SKIL: variants seen among roughly 807,000 people sequenced by gnomAD.
SKIL encodes the protein ski-like protein.
Under a neutral mutation model 69.6 loss-of-function variants are expected in SKIL, and 20 were observed. The ratio of observed to expected loss-of-function variants is 0.29; its 90% CI spans 0.20 to 0.42. SKIL has a LOEUF of 0.42. Ranked by LOEUF, SKIL falls within the 10% of genes least tolerant of loss-of-function variation. SKIL has a pLI of 1.00. For synonymous variants in SKIL, 310 were observed against 279.9 expected (o/e 1.11, Z -1.08); for missense variants, 745 against 783.1 (o/e 0.95, Z 0.58).
At chr3:170,368,511 A>G (rs1411317827) in intron 2 of SKIL, among the ~76,000 whole-genome samples, 1 of 152,204 alleles carries the variant, frequency 6.6e-6, no homozygotes, top group East Asian at 1.9e-4. Context: ...TACAATTTGC[A>G]CATAAACTGT....
intron 4 of SKIL, among the ~76,000 whole-genome samples, chr3:170,388,771 T>C (rs1266241579): frequency 1.3e-5 from 2 of 152,136 alleles, no homozygotes; most frequent in Non-Finnish European, 2.9e-5. Flanking sequence ...AAATGTTTAT[T>C]ACATCCAATT....
At chr3:170,373,821 T>C (rs1315653757) in intron 2 of SKIL, among the ~76,000 whole-genome samples, 1 of 152,052 alleles carries the variant, frequency 6.6e-6, no homozygotes, top group Non-Finnish European at 1.5e-5. Flanking sequence ...AGCCCAGGAG[T>C]TGGAGGATGC....
chr3:170,363,762 G>C (rs1179690971), intron 2 of SKIL, among the ~76,000 whole-genome samples: 1 of 152,152 alleles, frequency 6.6e-6, no homozygotes, highest in Non-Finnish European at 1.5e-5. Context: ...TGGGATTACA[G>C]GTGTGAGCCA....
intron 2 of SKIL, among the ~76,000 whole-genome samples, chr3:170,361,951 C>T (rs2108892062): frequency 6.6e-6 from 1 of 152,178 alleles, no homozygotes; most frequent in Non-Finnish European, 1.5e-5. Flanking sequence ...TGTTGTTTTT[C>T]TAGGACTCGA....
chr3:170,373,707 C>CA (rs1736891911), intron 2 of SKIL, among the ~76,000 whole-genome samples: 1 of 152,048 alleles, frequency 6.6e-6, no homozygotes, highest in African/African-American at 2.4e-5. Flanking sequence ...CAACATAGTG[C>CA]AACCCCTGTC....
chr3:170,358,710 CAAG>C (rs1202050620), intron 1 of SKIL: 1 of 152,208 alleles, frequency 6.6e-6, no homozygotes, highest in Admixed American at 6.5e-5. Flanking sequence ...GCTTTTCTCT[CAAG>C]AAGGAAGTGG....
chr3:170,376,895 A>C (rs1377295341), intron 2 of SKIL, among the ~76,000 whole-genome samples: 1 of 152,168 alleles, frequency 6.6e-6, no homozygotes, highest in Non-Finnish European at 1.5e-5. Flanking sequence ...AAGATTCTTA[A>C]ACATTAATTA....
chr3:170,368,392 TCAATTA>T, intron 2 of SKIL, among the ~76,000 whole-genome samples: 1 of 152,196 alleles, frequency 6.6e-6, no homozygotes, highest in Non-Finnish European at 1.5e-5. Flanking sequence ...TCAAAGGCAC[TCAATTA>T]AATTTTTCTT....
chr3:170,375,698 C>T (rs1736995895), intron 2 of SKIL, among the ~76,000 whole-genome samples: 1 of 152,134 alleles, frequency 6.6e-6, no homozygotes, highest in Non-Finnish European at 1.5e-5. Context: ...CCTCAGTCCC[C>T]TGAGTAGCTG....
chr3:170,371,326 C>A (rs1736794702), intron 2 of SKIL, among the ~76,000 whole-genome samples: 1 of 151,946 alleles, frequency 6.6e-6, no homozygotes, highest in African/African-American at 2.4e-5. Context: ...CATGGTGAAA[C>A]CCCATCTCTA....
At chr3:170,359,424 C>A (rs963659998) in intron 1 of SKIL, among the ~76,000 whole-genome samples, 1 of 151,878 alleles carries the variant, frequency 6.6e-6, no homozygotes, top group Non-Finnish European at 1.5e-5. Context: ...GGTGAAACCC[C>A]GTTTCTACTA....
Position 170,385,447 on chromosome 3 carries a change from A to G in SKIL, c.1429+682A>G, listed in dbSNP as rs532761927. Reference sequence around the variant, plus strand: ...GAGACACCATTTAATAATAAGAAGTATTATGTAAGTAAGAGTAGTTAGGTA... The same window carrying G: ...GAGACACCATTTAATAATAAGAAGTGTTATGTAAGTAAGAGTAGTTAGGTA... On this transcript the variant is annotated intron_variant, in intron 4 of 6. Coordinates refer to ENST00000259119, the MANE Select transcript of SKIL (RefSeq NM_005414.5). Among the ~76,000 whole-genome samples, 13 of 152,192 alleles carry G rather than the reference A, an allele frequency of 8.5e-5. 1 individual carries two copies. Among genetic ancestry groups the G allele is most frequent in the South Asian group, 4.1e-4 (2 of 4,828 alleles).
chr3:170,377,287 G>T (rs1737076373), intron 2 of SKIL, among the ~76,000 whole-genome samples: 1 of 151,402 alleles, frequency 6.6e-6, no homozygotes, highest in Non-Finnish European at 1.5e-5. Flanking sequence ...GCCCAGGCTG[G>T]AGTGCAGTGG....
intron 2 of SKIL, among the ~76,000 whole-genome samples, chr3:170,365,759 T>C (rs1736472533): frequency 6.9e-6 from 1 of 145,102 alleles, no homozygotes; most frequent in African/African-American, 2.6e-5. Context: ...AGGCTTTTTT[T>C]TTTTTTTTTT....
chr3:170,360,686 A>T lies in SKIL; in HGVS notation c.355A>T (p.Thr119Ser). The change falls in exon 2 of 7, where the codon ACT becomes TCT. Residue 119 changes from threonine to serine, a missense_variant. By Grantham distance (58) the Thr-to-Ser change is moderately conservative. Transcript: ENST00000259119. ...ARHSQESMSPTVFLPLPSPQV... is the reference protein window; with the variant it reads ...ARHSQESMSPSVFLPLPSPQV... ...GCATTCCCAAGAAAGCATGTCGCCT[A>T]CTGTATTTCTGCCTCTTCCATCACC... 1.2e-6 allele frequency: 2 copies of T among 1,614,186 alleles called. No individual in the cohort carries two copies. The highest frequency in any genetic ancestry group is 1.7e-6 in the Non-Finnish European group (2 of 1,180,042).
chr3:170,366,672 A>AACACAC (rs778933453), intron 2 of SKIL, among the ~76,000 whole-genome samples: 102 of 112,460 alleles, frequency 9.1e-4, no homozygotes, highest in African/African-American at 1.4e-3. Context: ...TCTGTCTCAA[A>AACACAC]ACACACACAC....
chr3:170,360,856 C>A lies in SKIL; in HGVS notation c.525C>A (p.Leu175=), dbSNP rs1158028743. 3.1e-6 allele frequency: 5 copies of A among 1,614,084 alleles called. No individual in the cohort carries two copies. Among genetic ancestry groups the A allele is most frequent in the Non-Finnish European group, 4.2e-6 (5 of 1,179,994 alleles). ...TGCCCCAAGTCTTAAATTCTGTTCT[C>A]CGAGAATTTACACTCCAGCAAATAA... is the stretch of plus-strand genomic sequence containing the variant. ...LCLPQVLNSV[L]REFTLQQINT... is the part of the protein sequence containing the mutation. The change falls in exon 2 of 7, where the codon CTC becomes CTA. Residue 175 remains leucine, a synonymous_variant. Transcript: ENST00000259119.
chr3:170,369,608 GTCAGGCTGATCTCGAACTCCGTACC>G (rs1476509826), intron 2 of SKIL, among the ~76,000 whole-genome samples: 2 of 152,008 alleles, frequency 1.3e-5, no homozygotes, highest in African/African-American at 4.8e-5. Flanking sequence ...CACCATATTG[GTCAGGCTGATCTCGAACTCCGTACC>G]TCAGGTGATC....
chr3:170,387,936 A>C (rs868052678), intron 4 of SKIL, among the ~76,000 whole-genome samples: 237 of 146,626 alleles, frequency 1.6e-3, no homozygotes, highest in Middle Eastern at 0.011. Flanking sequence ...TCCGTCTCAA[A>C]AAAAAAAAAA....
Sources: allele counts gnomAD v4.1 joint callset (sites outside exome capture counted in the v4.1 genomes callset), GRCh38; gene constraint gnomAD v4.1.1; transcripts MANE v1.5; gene names NCBI Gene and HGNC (gene_info 2026-07-23, HGNC 2026-07-21).